PRKAR1A: variants seen among roughly 807,000 people sequenced by gnomAD.
PRKAR1A encodes cAMP-dependent protein kinase type I-alpha regulatory subunit.
PRKAR1A carries 3 observed loss-of-function variants against 52.0 expected under a neutral mutation model. The observed-to-expected ratio is 0.06, with a 90% confidence interval of 0.03 to 0.15. The LOEUF is 0.15. Among genes scored for constraint, PRKAR1A ranks in the 10% least tolerant of loss-of-function variants. The pLI is 1.00. For synonymous variants in PRKAR1A, 188 were observed against 168.4 expected (o/e 1.12, Z -0.90); for missense variants, 240 against 477.4 (o/e 0.50, Z 4.63).
chr17:68,463,103 G>T, the PRKAR1A span, among the ~76,000 whole-genome samples: 8 of 152,118 alleles, frequency 5.3e-5, no homozygotes, highest in Admixed American at 1.3e-4. Context: ...GGATTCAAAG[G>T]CTTTGGGCTT....
downstream of PRKAR1A, among the ~76,000 whole-genome samples, chr17:68,533,719 CTGTCTATT>C (rs1223436212): frequency 2.6e-5 from 4 of 152,102 alleles, no homozygotes; most frequent in East Asian, 1.9e-4. Context: ...ACGTTTTTAT[CTGTCTATT>C]TGTCTATTTA....
In PRKAR1A at chr17:68,527,594, C is replaced by T; in HGVS notation, c.709-246C>T. On this transcript the variant is annotated intron_variant, in intron 7 of 10. Transcript: ENST00000589228. ...ATGCTTTGTGAAATATGTCAACATA[C>T]TGGTTGCAAATGCTAGGAATTGGGC... 6.5e-6 allele frequency: 3 copies of T among 461,958 alleles called. No individual in the cohort carries two copies. In the South Asian group the frequency reaches 6.5e-5, roughly 10 times the overall value. 28.6% of individuals were successfully genotyped at this position (461,958 alleles called of 1,614,324 possible). A position where few individuals can be genotyped will look rare whatever the true frequency, so the allele number is the denominator to read the frequency against.
chr17:68,425,612 A>C, the PRKAR1A span, among the ~76,000 whole-genome samples: 4 of 152,138 alleles, frequency 2.6e-5, no homozygotes, highest in African/African-American at 9.7e-5. Context: ...TGGTTCACAG[A>C]GTGCAGCAAC....
At chr17:68,444,396 A>T in the PRKAR1A span, 1 of 1,107,338 alleles carries the variant, frequency 9.0e-7, no homozygotes, top group Non-Finnish European at 1.3e-6. Context: ...AAAAGCAAAC[A>T]CTGCTTCACG....
the PRKAR1A span, among the ~76,000 whole-genome samples, chr17:68,499,012 T>C: frequency 6.6e-6 from 1 of 152,156 alleles, no homozygotes; most frequent in Non-Finnish European, 1.5e-5. Context: ...AGTTTCCTTA[T>C]CTGTAAAATA....
At chr17:68,454,222 C>G in the PRKAR1A span, among the ~76,000 whole-genome samples, 1 of 152,196 alleles carries the variant, frequency 6.6e-6, no homozygotes, top group South Asian at 2.1e-4. Flanking sequence ...GCTGTGCCCT[C>G]CGCACCTAAG....
intron 7 of PRKAR1A, among the ~76,000 whole-genome samples, 184 bp downstream of exon 7, chr17:68,526,096 A>G (rs2085782464): frequency 6.6e-6 from 1 of 152,228 alleles, no homozygotes; most frequent in Non-Finnish European, 1.5e-5. Context: ...AGCATTATTC[A>G]TTATGCCATT....
the PRKAR1A span, among the ~76,000 whole-genome samples, chr17:68,464,178 C>G: frequency 6.6e-6 from 1 of 152,324 alleles, no homozygotes; most frequent in South Asian, 2.1e-4. Context: ...ATTGGCATAT[C>G]TAATCCTTTC....
At chr17:68,435,674 T>C in the PRKAR1A span, 1 of 1,614,214 alleles carries the variant, frequency 6.2e-7, no homozygotes. Context: ...TGATGGCAGC[T>C]AGTGTTCCCT....
intron 3 of PRKAR1A, among the ~76,000 whole-genome samples, chr17:68,523,232 C>A (rs1367004200): frequency 1.3e-5 from 2 of 152,014 alleles, no homozygotes; most frequent in Non-Finnish European, 2.9e-5. Context: ...TTTTTGCTAT[C>A]CTATTAAATG....
At chr17:68,520,951 A>G (rs1164393775) in intron 2 of PRKAR1A, among the ~76,000 whole-genome samples, 1 of 151,860 alleles carries the variant, frequency 6.6e-6, no homozygotes, top group Non-Finnish European at 1.5e-5. Context: ...TATTTTTATT[A>G]TTATTTTTTT....
chr17:68,478,970 C>A, the PRKAR1A span, among the ~76,000 whole-genome samples: 1 of 152,180 alleles, frequency 6.6e-6, no homozygotes, highest in African/African-American at 2.4e-5. Context: ...TCAGGCCATC[C>A]GCCCACCTTG....
At chr17:68,508,690 T>C (rs2085226741), upstream of PRKAR1A, among the ~76,000 whole-genome samples, 1 of 152,230 alleles carries the variant, frequency 6.6e-6, no homozygotes, top group South Asian at 2.1e-4. Flanking sequence ...AATGAATAAG[T>C]AAATATGCTA....
chr17:68,464,463 G>A, the PRKAR1A span, among the ~76,000 whole-genome samples: 41,411 of 151,922 alleles, frequency 0.27, 5,800 homozygotes, highest in Non-Finnish European at 0.3. Context: ...CGGATGGATC[G>A]TGAGGTCAGG....
the PRKAR1A span, among the ~76,000 whole-genome samples, chr17:68,492,716 C>G: frequency 6.6e-6 from 1 of 152,136 alleles, no homozygotes; most frequent in Non-Finnish European, 1.5e-5. Context: ...TTCTTGCCTC[C>G]TCAGAAGAAA....
chr17:68,530,628 C>A lies in PRKAR1A; in HGVS notation c.*179C>A. ...TTCAATTTGGAGCATTAACTAAATG[C>A]TCATACACAGTTAAATAAATAGAAA... is the stretch of plus-strand genomic sequence containing the variant. On this transcript the variant is annotated 3_prime_UTR_variant, in exon 11 of 11. Coordinates refer to ENST00000589228, the MANE Select transcript of PRKAR1A (RefSeq NM_002734.5). 1 of 1,511,948 alleles carries A rather than the reference C, an allele frequency of 6.6e-7. No homozygotes were observed. Among genetic ancestry groups the A allele is most frequent in the Non-Finnish European group, 8.8e-7 (1 of 1,132,854 alleles). The allele number at this position is 1,511,948 out of a possible 1,614,324, so 93.7% of individuals were successfully genotyped here.
the PRKAR1A span, chr17:68,426,247 A>AGGGGGGGGGGGGG: frequency 3.0e-6 from 2 of 655,814 alleles, no homozygotes; most frequent in Non-Finnish European, 4.7e-6. Context: ...GCGGGTGGGG[A>AGGGGGGGGGGGGG]GCGGGGGCTC....
At chr17:68,446,658 G>A in the PRKAR1A span, among the ~76,000 whole-genome samples, 1 of 152,168 alleles carries the variant, frequency 6.6e-6, no homozygotes, top group Non-Finnish European at 1.5e-5. Flanking sequence ...AGAACTACGT[G>A]GTTCTATGCT....
chr17:68,530,129 G>C, intron 10 of PRKAR1A, 128 bp downstream of exon 10: 1 of 1,477,650 alleles, frequency 6.8e-7, no homozygotes, highest in African/African-American at 1.4e-5. Flanking sequence ...TTTTGGCTCT[G>C]AGAGGGAAGG....
Sources: allele counts gnomAD v4.1 joint callset (sites outside exome capture counted in the v4.1 genomes callset), GRCh38; gene constraint gnomAD v4.1.1; transcripts MANE v1.5; gene names NCBI Gene and HGNC (gene_info 2026-07-23, HGNC 2026-07-21).